Variants in WBP4 observed in about 807,000 individuals in gnomAD.
The protein encoded by WBP4 is WW domain binding protein 4.
WBP4 carries 37 observed loss-of-function variants against 55.4 expected under a neutral mutation model. The ratio of observed to expected loss-of-function variants is 0.67; its 90% CI spans 0.51 to 0.88. WBP4 has a LOEUF of 0.88. WBP4 is among the 40% of genes least tolerant of loss of function. The probability of loss-of-function intolerance (pLI) is 0.00; values close to 1 mark genes in which losing one functional copy is unlikely to be tolerated. For missense variants in WBP4, 398 were observed against 420.8 expected (o/e 0.95, Z 0.47); for synonymous variants, 142 against 140.2 (o/e 1.01, Z -0.09).
rs773424447 is a variant in WBP4, at chr13:41,065,039, A to G, written c.99A>G (p.Gly33=). ...AGAGTGTTGAATTTCATGAAAGAGG[A>G]AAGAATCATAAGGAAAATGTGGCAA... ...NRPSVEFHER[G]KNHKENVAKR... The change falls in exon 3 of 10, where the codon GGA becomes GGG. Residue 33 remains glycine, a synonymous_variant. Transcript: ENST00000379487. 1.9e-6 allele frequency: 3 copies of G among 1,590,324 alleles called. No homozygotes were observed. The highest frequency in any genetic ancestry group is 2.6e-6 in the Non-Finnish European group (3 of 1,173,724).
intron 4 of WBP4, among the ~76,000 whole-genome samples, chr13:41,066,076 G>A (rs1230230968): frequency 6.6e-6 from 1 of 152,130 alleles, no homozygotes; most frequent in Non-Finnish European, 1.5e-5. Flanking sequence ...TTGTTATCCT[G>A]GACATTGGTA....
At chr13:41,082,287 A>AT (rs1425065173) in intron 9 of WBP4, among the ~76,000 whole-genome samples, 5 of 151,850 alleles carry the variant, frequency 3.3e-5, no homozygotes, top group Non-Finnish European at 2.9e-5. Context: ...TAATTTTTGT[A>AT]TTTTTTGTAG....
At chr13:41,077,916 C>A (rs1021309887) in intron 8 of WBP4, among the ~76,000 whole-genome samples, 3 of 151,326 alleles carry the variant, frequency 2.0e-5, no homozygotes, top group Non-Finnish European at 4.4e-5. Flanking sequence ...AAAAAAAAAT[C>A]TCGGAATACA....
At chr13:41,064,639 T>G (rs1487787679) in intron 2 of WBP4, among the ~76,000 whole-genome samples, 1 of 152,168 alleles carries the variant, frequency 6.6e-6, no homozygotes, top group Non-Finnish European at 1.5e-5. Context: ...AATAAAATTC[T>G]AAAGGCTTTT....
intron 1 of WBP4, chr13:41,061,979 G>A (rs1877674649): frequency 2.2e-6 from 2 of 928,290 alleles, no homozygotes; most frequent in African/African-American, 1.8e-5. Context: ...ACGCTGTCGG[G>A]GGTCGCATGC....
In WBP4 at chr13:41,082,777, G is replaced by A. The variant is rs1217239493; in HGVS notation, c.994G>A (p.Glu332Lys). Residue 332 changes from glutamate to lysine, a missense_variant, in exon 10 of 10, where the codon GAA (glutamate) becomes AAA (lysine). By Grantham distance (56) the Glu-to-Lys change is moderately conservative. Transcript: ENST00000379487. ...AACTTCAGAAGCTGATGGTGGCGGA[G>A]AACCCAAAGTGGTATTTAAAGAAAA... ...VSTSEADGGG[E>K]PKVVFKEKTV... The A allele has an allele frequency of 6.2e-7, 1 of 1,614,108 alleles. No individual in the cohort carries two copies. Among genetic ancestry groups the A allele is most frequent in the South Asian group, 1.1e-5 (1 of 91,074 alleles).
intron 8 of WBP4, among the ~76,000 whole-genome samples, chr13:41,079,033 T>A (rs1878641134): frequency 6.6e-6 from 1 of 151,974 alleles, no homozygotes; most frequent in Non-Finnish European, 1.5e-5. Context: ...GCCCACATAT[T>A]GGGAAAAACT....
At chr13:41,068,440 G>T (rs1333930204) in intron 4 of WBP4, 121 bp from the exon 5 acceptor site, 7 of 872,620 alleles carry the variant, frequency 8.0e-6, no homozygotes, top group Non-Finnish European at 1.1e-5. Context: ...TTATAATAAT[G>T]TGTTAAGTTC....
At position 41,061,638 on chromosome 13, in the gene WBP4, G is replaced by C. The variant is rs1877642137; in HGVS notation, c.-36G>C. On this transcript the variant is annotated 5_prime_UTR_variant, in exon 1 of 10. Coordinates refer to ENST00000379487, the MANE Select transcript of WBP4 (RefSeq NM_007187.5). ...CGCTGGGAAAGCGCGAGTCTGAGTG[G>C]AACCCTGGACGACTTGCAGAGCGGC... 6.2e-7 allele frequency: 1 copy of C among 1,614,032 alleles called. No homozygotes were observed. Among genetic ancestry groups the C allele is most frequent in the Non-Finnish European group, 8.5e-7 (1 of 1,180,036 alleles).
rs749603644 is a variant in WBP4 at position 41,068,654 on chromosome 13, G to GAA, written c.362_363dup (p.Asp122LysfsTer9). 2.5e-6 allele frequency: 4 copies of GAA among 1,613,382 alleles called. No individual in the cohort carries two copies. The highest frequency in any genetic ancestry group is 2.5e-6 in the Non-Finnish European group (3 of 1,179,762). ...AAAGAAAAGAAAGAAAAGAAGAAAAGAAAAAAAGATCCTTCAAAGGGCAGA... is the reference window on the plus strand; with the variant it reads ...AAAGAAAAGAAAGAAAAGAAGAAAAGAAAAAAAAAGATCCTTCAAAGGGCAGA... On this transcript the variant is annotated frameshift_variant, in exon 5 of 10. Transcript: ENST00000379487. LOFTEE classifies it high-confidence loss of function.
At chr13:41,068,839 A>G (rs1353986682) in intron 5 of WBP4, 102 bp downstream of exon 5, 5 of 1,266,982 alleles carry the variant, frequency 3.9e-6, no homozygotes, top group Non-Finnish European at 5.2e-6. Flanking sequence ...AGCACTTTAA[A>G]TAGTGAAAGA....
At chr13:41,079,919 G>A (rs889385347) in intron 8 of WBP4, among the ~76,000 whole-genome samples, 1 of 152,204 alleles carries the variant, frequency 6.6e-6, no homozygotes, top group African/African-American at 2.4e-5. Flanking sequence ...AGCTTTTGCA[G>A]CTATGTGAAT....
At chr13:41,074,450 A>G (rs1290743745) in intron 7 of WBP4, among the ~76,000 whole-genome samples, 1 of 152,190 alleles carries the variant, frequency 6.6e-6, no homozygotes, top group Non-Finnish European at 1.5e-5. Context: ...CAATGTTTAT[A>G]TTCCAGTACA....
chr13:41,073,748 A>G (rs1878353405), intron 7 of WBP4, among the ~76,000 whole-genome samples: 1 of 152,082 alleles, frequency 6.6e-6, no homozygotes, highest in Admixed American at 6.6e-5. Flanking sequence ...TAGAGGTTGC[A>G]GTGAGCCAAG....
intron 5 of WBP4, among the ~76,000 whole-genome samples, chr13:41,069,861 A>G (rs1361863671): frequency 1.3e-5 from 2 of 151,378 alleles, no homozygotes; most frequent in African/African-American, 4.9e-5. Context: ...CTGGGCAACA[A>G]GAGCGAAAGT....
At chr13:41,073,105 G>T (rs1320732330) in intron 7 of WBP4, among the ~76,000 whole-genome samples, 1 of 152,138 alleles carries the variant, frequency 6.6e-6, no homozygotes, top group Non-Finnish European at 1.5e-5. Context: ...CTTAAAAATA[G>T]AATCATTTTA....
intron 8 of WBP4, among the ~76,000 whole-genome samples, chr13:41,079,053 CTA>C (rs1197800140): frequency 6.6e-6 from 1 of 151,998 alleles, no homozygotes; most frequent in Non-Finnish European, 1.5e-5. Context: ...TGTTTGCAAA[CTA>C]TGCATCCAAC....
At chr13:41,061,803 T>C in intron 1 of WBP4, 128 bp downstream of exon 1, 2 of 1,477,830 alleles carry the variant, frequency 1.4e-6, no homozygotes, top group Non-Finnish European at 1.8e-6. Context: ...CTTAACTCGC[T>C]CGGGACCGGC....
Position 41,075,528 on chromosome 13 carries a change from T to C in WBP4, c.563-516T>C, listed in dbSNP as rs9566685. Among the ~76,000 whole-genome samples, 419 of 152,252 alleles carry C rather than the reference T, an allele frequency of 2.8e-3. 8 individuals carry two copies. In the East Asian group the frequency reaches 0.049, roughly 18 times the overall value. On this transcript the variant is annotated intron_variant, in intron 7 of 9. Transcript: ENST00000379487. ...TCCTGAGTAGTGGGTACTGCAGGAA[T>C]ATGGCATGATGCCTGCTAACTTTTT... is the stretch of plus-strand genomic sequence containing the variant.
Sources: gnomAD v4.1 joint callset for allele counts (sites outside exome capture counted in the v4.1 genomes callset) on GRCh38, gnomAD v4.1.1 for gene constraint, MANE v1.5 for transcripts, NCBI Gene and HGNC (gene_info 2026-07-23, HGNC 2026-07-21) for gene names.